Variants in RAB38 observed in about 807,000 individuals in gnomAD.
RAB38 encodes RAB38, member RAS oncogene family.
Under a neutral mutation model 18.4 loss-of-function variants are expected in RAB38, and 15 were observed. That is an observed-to-expected ratio of 0.82 (90% CI 0.55 to 1.26). The LOEUF (loss-of-function observed/expected upper bound fraction) is 1.26. Ranked by LOEUF, RAB38 falls within the 50% of genes most tolerant of loss-of-function variation. RAB38 has a pLI of 0.00. For missense variants in RAB38, 294 were observed against 267.4 expected (o/e 1.10, Z -0.69); for synonymous variants, 101 against 104.4 (o/e 0.97, Z 0.20).
chr11:87,809,690 G>GA, the RAB38 span, among the ~76,000 whole-genome samples: 138,219 of 151,494 alleles, frequency 0.91, 63,242 homozygotes, highest in East Asian at 1. Flanking sequence ...TGAAAGCTCT[G>GA]AAAAAAAAAT....
chr11:88,103,905 T>C, the RAB38 span, among the ~76,000 whole-genome samples: 1 of 152,128 alleles, frequency 6.6e-6, no homozygotes. Context: ...AAGACAAGTG[T>C]CCTTCCTTAC....
At chr11:88,104,570 A>C in the RAB38 span, among the ~76,000 whole-genome samples, 7 of 152,088 alleles carry the variant, frequency 4.6e-5, no homozygotes, top group African/African-American at 1.7e-4. Context: ...TAATTTCTTC[A>C]TCTCTCAAAT....
chr11:87,948,233 G>T, the RAB38 span, among the ~76,000 whole-genome samples: 2 of 152,134 alleles, frequency 1.3e-5, no homozygotes, highest in African/African-American at 4.8e-5. Flanking sequence ...TGTGATTTTT[G>T]CACATTGATT....
chr11:87,841,205 C>G, the RAB38 span, among the ~76,000 whole-genome samples: 1 of 152,078 alleles, frequency 6.6e-6, no homozygotes, highest in Non-Finnish European at 1.5e-5. Context: ...AATTGTAGTT[C>G]CCATAATTCT....
the RAB38 span, among the ~76,000 whole-genome samples, chr11:87,955,012 TTGTTGTTGAACAGAC>T: frequency 6.6e-6 from 1 of 152,138 alleles, no homozygotes; most frequent in Non-Finnish European, 1.5e-5. Flanking sequence ...GGTGAAAAGA[TTGTTGTTGAACAGAC>T]TGCAAAAGGA....
At chr11:87,964,044 C>T in the RAB38 span, among the ~76,000 whole-genome samples, 1 of 152,112 alleles carries the variant, frequency 6.6e-6, no homozygotes, top group African/African-American at 2.4e-5. Flanking sequence ...TGCAGTAAGT[C>T]CTCCAAAAAT....
At chr11:87,939,619 A>G in the RAB38 span, among the ~76,000 whole-genome samples, 2 of 152,140 alleles carry the variant, frequency 1.3e-5, no homozygotes, top group African/African-American at 4.8e-5. Flanking sequence ...GAACTTTGGG[A>G]GGCCGAGGAG....
the RAB38 span, among the ~76,000 whole-genome samples, chr11:87,836,084 C>T: frequency 6.6e-6 from 1 of 152,106 alleles, no homozygotes. Flanking sequence ...TAGAATAATG[C>T]AATTTCCCCT....
chr11:87,829,226 G>A, the RAB38 span, among the ~76,000 whole-genome samples: 1 of 152,094 alleles, frequency 6.6e-6, no homozygotes, highest in South Asian at 2.1e-4. Context: ...ATTAACTATT[G>A]GGTAGTATGA....
the RAB38 span, among the ~76,000 whole-genome samples, chr11:87,918,565 A>T: frequency 6.6e-6 from 1 of 152,120 alleles, no homozygotes; most frequent in Non-Finnish European, 1.5e-5. Context: ...ACATAAGACC[A>T]AAGCCATTTT....
chr11:88,003,862 ATATAATTATATATTTAT>A, the RAB38 span, among the ~76,000 whole-genome samples: 1,363 of 12,780 alleles, frequency 0.11, 586 homozygotes, highest in South Asian at 0.19. Context: ...AATTATATAA[ATATAATTATATATTTAT>A]ATATATAATT....
the RAB38 span, among the ~76,000 whole-genome samples, chr11:87,869,232 T>A: frequency 6.6e-6 from 1 of 151,852 alleles, no homozygotes; most frequent in East Asian, 1.9e-4. Context: ...CAGCTACTAC[T>A]TTTCAGATGA....
chr11:88,155,335 T>C (rs918417302), intron 1 of RAB38, among the ~76,000 whole-genome samples: 1 of 152,184 alleles, frequency 6.6e-6, no homozygotes, highest in East Asian at 1.9e-4. Flanking sequence ...CCTAGCCACA[T>C]TGACCACAGC....
the RAB38 span, among the ~76,000 whole-genome samples, chr11:88,053,936 TAA>T: frequency 1.5e-4 from 23 of 152,148 alleles, no homozygotes; most frequent in African/African-American, 5.6e-4. Context: ...GCATGTAGTG[TAA>T]AGAGTACAAA....
chr11:88,120,600 A>G (rs1304696728), intron 2 of RAB38, among the ~76,000 whole-genome samples: 6 of 152,214 alleles, frequency 3.9e-5, no homozygotes, highest in Non-Finnish European at 8.8e-5. Flanking sequence ...TCACATTGTC[A>G]GCATGGAGAA....
the RAB38 span, among the ~76,000 whole-genome samples, chr11:87,819,034 T>G: frequency 6.6e-6 from 1 of 152,222 alleles, no homozygotes; most frequent in South Asian, 2.1e-4. Context: ...TGAACTGGAT[T>G]CAAATGAAGA....
the RAB38 span, among the ~76,000 whole-genome samples, chr11:87,966,813 G>A: frequency 6.6e-6 from 1 of 152,186 alleles, no homozygotes; most frequent in Non-Finnish European, 1.5e-5. Flanking sequence ...CTGGGAATTG[G>A]ATCATTTTCA....
chr11:88,072,228 A>G, the RAB38 span, among the ~76,000 whole-genome samples: 3 of 152,250 alleles, frequency 2.0e-5, no homozygotes, highest in African/African-American at 7.2e-5. Flanking sequence ...AGTCAAGTGG[A>G]ATTTGCTAGA....
At chr11:88,149,575 A>G (rs1943035998) in intron 2 of RAB38, 100 bp downstream of exon 2, 4 of 1,392,916 alleles carry the variant, frequency 2.9e-6, no homozygotes, top group Admixed American at 4.5e-5. Context: ...ATACATCACT[A>G]AACAAACATA....
Sources: gnomAD v4.1 joint callset for allele counts (sites outside exome capture counted in the v4.1 genomes callset) on GRCh38, gnomAD v4.1.1 for gene constraint, MANE v1.5 for transcripts, NCBI Gene and HGNC (gene_info 2026-07-23, HGNC 2026-07-21) for gene names.